The following GCNT4 variants were observed in gnomAD, a reference collection of about 807,000 sequenced individuals.
GCNT4 encodes the protein beta-1,3-galactosyl-O-glycosyl-glycoprotein beta-1,6-N-acetylglucosaminyltransferase 4.
In GCNT4, 17 loss-of-function variants were observed where a neutral mutation model predicts 31.3. That is an observed-to-expected ratio of 0.54 (90% CI 0.37 to 0.81). The LOEUF is 0.81. Ranked by LOEUF, GCNT4 falls within the 40% of genes least tolerant of loss-of-function variation. The pLI is 0.00. For missense variants in GCNT4, 503 were observed against 525.5 expected, an observed-to-expected ratio of 0.96 and a Z score of 0.42; for synonymous variants, 158 against 190.6, an observed-to-expected ratio of 0.83 and a Z score of 1.41.
upstream of GCNT4, among the ~76,000 whole-genome samples, chr5:75,053,605 G>C (rs1172218350): frequency 1.3e-5 from 2 of 152,082 alleles, no homozygotes; most frequent in Non-Finnish European, 2.9e-5. Flanking sequence ...GGGTTCCCAG[G>C]CTCTCCGCGG....
chr5:75,044,778 G>T (rs1202041322), intron 3 of GCNT4, among the ~76,000 whole-genome samples: 1 of 152,008 alleles, frequency 6.6e-6, no homozygotes, highest in Non-Finnish European at 1.5e-5. Flanking sequence ...CGCTTCTCAT[G>T]GTGAAGGAAG....
At chr5:75,038,033 G>C (rs911437026) in intron 3 of GCNT4, among the ~76,000 whole-genome samples, 1 of 147,536 alleles carries the variant, frequency 6.8e-6, no homozygotes. Flanking sequence ...ACATCTTGTA[G>C]ACAGTATATC....
At chr5:75,032,922 T>TGTGTGTGTGTGTGA (rs1365905626) in intron 3 of GCNT4, among the ~76,000 whole-genome samples, 3 of 145,804 alleles carry the variant, frequency 2.1e-5, no homozygotes, top group Non-Finnish European at 4.5e-5. Flanking sequence ...TGTGTGTGTG[T>TGTGTGTGTGTGTGA]GATTAATTCA....
chr5:75,049,698 C>G (rs1743523904), intron 2 of GCNT4, among the ~76,000 whole-genome samples: 1 of 152,226 alleles, frequency 6.6e-6, no homozygotes, highest in Non-Finnish European at 1.5e-5. Flanking sequence ...CTCTGGCAAG[C>G]AGTGACTGGA....
chr5:75,030,567 G>A (rs1743039499), intron 3 of GCNT4: 1 of 168,204 alleles, frequency 5.9e-6, no homozygotes, highest in African/African-American at 2.4e-5. Context: ...ACCCAAAGGA[G>A]CTATGCTAAG....
intron 3 of GCNT4, among the ~76,000 whole-genome samples, chr5:75,043,461 G>A (rs1290577308): frequency 6.6e-6 from 1 of 152,208 alleles, no homozygotes; most frequent in Admixed American, 6.5e-5. Context: ...TATTGTAGAG[G>A]AATAAAATAT....
At chr5:75,053,317 G>T (rs1444028472), upstream of GCNT4, among the ~76,000 whole-genome samples, 3 of 152,020 alleles carry the variant, frequency 2.0e-5, no homozygotes, top group Non-Finnish European at 4.4e-5. Context: ...GGTTCAGCCC[G>T]GTTCCCCGCG....
chr5:75,045,520 C>T (rs1459511283), intron 3 of GCNT4, among the ~76,000 whole-genome samples: 1 of 152,188 alleles, frequency 6.6e-6, no homozygotes, highest in Non-Finnish European at 1.5e-5. Flanking sequence ...TTTTGGTCAT[C>T]CATTCATCTG....
rs369448721 is a variant in GCNT4 at position 75,029,156 on chromosome 5, A to C, written c.882T>G (p.His294Gln). The C allele has an allele frequency of 3.1e-6, 5 of 1,613,894 alleles. No homozygotes were observed. In the African/African-American group the frequency reaches 6.7e-5, roughly 22 times the overall value. The change falls in exon 4 of 4, where the codon CAT becomes CAG. Residue 294 changes from histidine (H) to glutamine (Q), a missense_variant. Coordinates refer to ENST00000652361, the MANE Select transcript of GCNT4 (RefSeq NM_001366737.1). The part of the protein sequence containing the change: ...RTNISKEAPP[H>Q]NIQIFVGSAY... Reference sequence around the variant, plus strand: ...CACTGCCAACAAATATCTGAATGTTATGGGGGGGTGCTTCCTTGGAGATGT... The same window carrying C: ...CACTGCCAACAAATATCTGAATGTTCTGGGGGGGTGCTTCCTTGGAGATGT...
intron 2 of GCNT4, among the ~76,000 whole-genome samples, chr5:75,051,207 C>T (rs1232282713): frequency 6.6e-6 from 1 of 152,212 alleles, no homozygotes; most frequent in Non-Finnish European, 1.5e-5. Flanking sequence ...AGCTCCCACT[C>T]ATCCTTGAGC....
rs561188490 is a variant in GCNT4 at position 75,033,126 on chromosome 5, C to G, written c.-1-3088G>C. On this transcript the variant is annotated intron_variant, in intron 3 of 3. Transcript: ENST00000652361. ...CACATTCTAAAGAGATTTACCAAGT[C>G]TCCCAGAGTTGTCATGTCATTTAAC... is the stretch of plus-strand genomic sequence containing the variant. Among the ~76,000 whole-genome samples the G allele has an allele frequency of 9.8e-5, 15 of 152,324 alleles. No homozygotes were observed. The East Asian group carries it at 2.1e-3, about 22-fold the overall frequency.
chr5:75,034,925 ATT>A, intron 3 of GCNT4, among the ~76,000 whole-genome samples: 3 of 151,826 alleles, frequency 2.0e-5, no homozygotes, highest in African/African-American at 7.3e-5. Context: ...ACACGACCGC[ATT>A]CAGGGACACC....
At chr5:75,020,946 T>C (rs1742874569), downstream of GCNT4, among the ~76,000 whole-genome samples, 1 of 152,136 alleles carries the variant, frequency 6.6e-6, no homozygotes, top group Non-Finnish European at 1.5e-5. Context: ...TCTCTCTCTG[T>C]TTGTGTTTGC....
At chr5:75,047,295 A>G (rs1231243555) in intron 3 of GCNT4, among the ~76,000 whole-genome samples, 1 of 152,218 alleles carries the variant, frequency 6.6e-6, no homozygotes, top group Non-Finnish European at 1.5e-5. Flanking sequence ...CCTACAACAG[A>G]GATTTACTTG....
At position 75,028,384 on chromosome 5, in the gene GCNT4, A is replaced by G. The variant is rs540252423; in HGVS notation, c.*292T>C. 2 of 342,734 alleles carry G rather than the reference A, an allele frequency of 5.8e-6. No individual in the cohort carries two copies. The highest frequency in any genetic ancestry group is 2.2e-5 in the African/African-American group (1 of 46,352). 21.2% of individuals were successfully genotyped at this position (342,734 alleles called of 1,614,324 possible). A position where few individuals can be genotyped will look rare whatever the true frequency, so the allele number is the denominator to read the frequency against. On this transcript the variant is annotated 3_prime_UTR_variant, in exon 4 of 4. Coordinates refer to ENST00000652361, the MANE Select transcript of GCNT4 (RefSeq NM_001366737.1). Reference sequence around the variant, plus strand: ...ATGAGGATAAGCCGCAGTCTCTAAAAAAGTGCCTGTCATATAGTTAGGTGC... The same window carrying G: ...ATGAGGATAAGCCGCAGTCTCTAAAGAAGTGCCTGTCATATAGTTAGGTGC...
downstream of GCNT4, among the ~76,000 whole-genome samples, chr5:75,022,401 G>T (rs1442308346): frequency 6.6e-6 from 1 of 152,176 alleles, no homozygotes; most frequent in African/African-American, 2.4e-5. Context: ...CAAGAGGTAT[G>T]TATGCTTATT....
chr5:75,052,893 T>G (rs1421263263), upstream of GCNT4: 1 of 152,320 alleles, frequency 6.6e-6, no homozygotes, highest in East Asian at 2.0e-4. Flanking sequence ...CGGGCCAGGC[T>G]GGGCGGCGCT....
chr5:75,033,028 G>C (rs1743106667), intron 3 of GCNT4, among the ~76,000 whole-genome samples: 1 of 152,132 alleles, frequency 6.6e-6, no homozygotes, highest in Non-Finnish European at 1.5e-5. Flanking sequence ...TTTTCTCACT[G>C]TATTAGTCCA....
chr5:75,044,175 G>C (rs1178421796), intron 3 of GCNT4, among the ~76,000 whole-genome samples: 1 of 152,018 alleles, frequency 6.6e-6, no homozygotes, highest in African/African-American at 2.4e-5. Context: ...TATGTAACAG[G>C]GGACTTTGGA....
Sources: gnomAD v4.1 joint callset for allele counts (sites outside exome capture counted in the v4.1 genomes callset) on GRCh38, gnomAD v4.1.1 for gene constraint, MANE v1.5 for transcripts, NCBI Gene and HGNC (gene_info 2026-07-23, HGNC 2026-07-21) for gene names.